AHRR: variants seen among roughly 807,000 people sequenced by gnomAD.
The protein encoded by AHRR is aryl hydrocarbon receptor repressor, also known as ahR repressor.
In AHRR, 28 loss-of-function variants were observed where a neutral mutation model predicts 44.0. The observed-to-expected ratio is 0.64, with a 90% CI of 0.47 to 0.87. The LOEUF is 0.87. Ranked by LOEUF, AHRR falls within the 40% of genes least tolerant of loss-of-function variation. AHRR has a pLI of 0.00. For synonymous variants in AHRR, 434 were observed against 407.0 expected, an observed-to-expected ratio of 1.07 and a Z score of -0.80; for missense variants, 990 against 953.9, an observed-to-expected ratio of 1.04 and a Z score of -0.50.
chr5:416,226 GC>G (rs1160809235), intron 5 of AHRR, among the ~76,000 whole-genome samples: 1 of 152,240 alleles, frequency 6.6e-6, no homozygotes, highest in Non-Finnish European at 1.5e-5. Flanking sequence ...CCAGGCCACT[GC>G]CCTGTTGGGA....
chr5:334,145 T>C (rs1305147071), intron 1 of AHRR, among the ~76,000 whole-genome samples: 1 of 152,182 alleles, frequency 6.6e-6, no homozygotes, highest in Non-Finnish European at 1.5e-5. Flanking sequence ...GATTTTAGAA[T>C]TTGCTCTTTC....
intron 3 of AHRR, among the ~76,000 whole-genome samples, chr5:376,036 G>A (rs1175790775): frequency 1.3e-5 from 2 of 152,206 alleles, no homozygotes; most frequent in Admixed American, 6.5e-5. Context: ...CGGCCCCTGG[G>A]GGCGTGGGGC....
intron 5 of AHRR, among the ~76,000 whole-genome samples, chr5:416,940 T>C (rs192780343): frequency 6.6e-6 from 1 of 151,524 alleles, no homozygotes; most frequent in African/African-American, 2.4e-5. Context: ...GGTCTTTATG[T>C]GCAGGGCCCG....
intron 4 of AHRR, among the ~76,000 whole-genome samples, chr5:396,141 A>G (rs1734695685): frequency 2.0e-5 from 3 of 152,148 alleles, no homozygotes; most frequent in Admixed American, 6.5e-5. Flanking sequence ...CCCCATGACA[A>G]GGCGGCAACC....
In AHRR at chr5:343,980, T is replaced by G; in HGVS notation, c.62+16T>G. 6.3e-7 allele frequency: 1 copy of G among 1,593,162 alleles called. No homozygotes were observed. ...TGCAGAAACAGTAAAGTATCCCGCC[T>G]TCTGCTTGTGTGGGTTGTTGCACCC... On this transcript the variant is annotated intron_variant, in intron 2 of 10. Transcript: ENST00000684583.
At chr5:433,190 G>A (rs1372689260) in intron 10 of AHRR, among the ~76,000 whole-genome samples, 2 of 152,132 alleles carry the variant, frequency 1.3e-5, no homozygotes, top group Non-Finnish European at 2.9e-5. Flanking sequence ...TGTTGGGAGC[G>A]AGGATGCCCC....
chr5:376,559 T>TGAATGAATGAGAACCGCGGGGTGAACGC (rs1423034523), intron 3 of AHRR, 51 bp from the exon 4 acceptor site: 2 of 243,020 alleles, frequency 8.2e-6, no homozygotes, highest in Non-Finnish European at 1.5e-5. Flanking sequence ...TGAAGAAGAG[T>TGAATGAATGAGAACCGCGGGGTGAACGC]GGCCAGGCCA....
intron 7 of AHRR, among the ~76,000 whole-genome samples, chr5:426,448 AT>A (rs1193417970): frequency 2.0e-5 from 3 of 150,818 alleles, no homozygotes; most frequent in Non-Finnish European, 4.4e-5. Context: ...AGATGGAAAG[AT>A]GGGTGAATGG....
intron 4 of AHRR, among the ~76,000 whole-genome samples, chr5:385,441 C>G (rs187573660): frequency 2.9e-4 from 44 of 152,306 alleles, no homozygotes; most frequent in African/African-American, 1.1e-3. Flanking sequence ...TCCCAAAGTG[C>G]TAGGATTACA....
At chr5:384,236 G>A (rs1456343011) in intron 4 of AHRR, among the ~76,000 whole-genome samples, 6 of 151,588 alleles carry the variant, frequency 4.0e-5, no homozygotes, top group Non-Finnish European at 5.9e-5. Flanking sequence ...TTATCTATTC[G>A]CTTTTGGGTG....
rs1734281691 is a variant in AHRR, at chr5:388,871, G to A, written c.351+12155G>A. On this transcript the variant is annotated intron_variant, in intron 4 of 10. Transcript: ENST00000684583. The surrounding 1 kb of genome is among the most constrained non-coding windows in gnomAD (Gnocchi z 5.2). ...TGGGCCAGATGCCTGAGGACACAATGCTCATGACAAAAGCAGCAGGTGCGG... is the reference window on the plus strand; with the variant it reads ...TGGGCCAGATGCCTGAGGACACAATACTCATGACAAAAGCAGCAGGTGCGG... Among the ~76,000 whole-genome samples, 1 of 152,202 alleles carries A rather than the reference G, an allele frequency of 6.6e-6. No homozygotes were observed. The highest frequency in any genetic ancestry group is 1.5e-5 in the Non-Finnish European group (1 of 68,028).
At chr5:371,162 T>G (rs1254002765) in intron 3 of AHRR, among the ~76,000 whole-genome samples, 2 of 152,034 alleles carry the variant, frequency 1.3e-5, no homozygotes, top group Non-Finnish European at 2.9e-5. Context: ...AAGGGGTGAC[T>G]CCTCCTGTCT....
At chr5:356,476 C>G (rs146038455) in intron 3 of AHRR, among the ~76,000 whole-genome samples, 8,840 of 132,998 alleles carry the variant, frequency 0.066, 348 homozygotes, top group Non-Finnish European at 0.088. Context: ...AGAGCGCCCG[C>G]GAGTGGAGGC....
At chr5:429,574 C>T (rs1350371943) in intron 8 of AHRR, among the ~76,000 whole-genome samples, 2 of 152,244 alleles carry the variant, frequency 1.3e-5, no homozygotes, top group Non-Finnish European at 2.9e-5. Flanking sequence ...CCGACTTGTC[C>T]TCGGCCCCTC....
At chr5:323,950 C>T (rs758352507) in intron 1 of AHRR, among the ~76,000 whole-genome samples, 8 of 151,846 alleles carry the variant, frequency 5.3e-5, no homozygotes, top group Non-Finnish European at 1.0e-4. Context: ...CCTGAAACAC[C>T]TTGCCTAGCT....
intron 7 of AHRR, among the ~76,000 whole-genome samples, chr5:424,361 T>G (rs1319797898): frequency 3.9e-4 from 35 of 88,960 alleles, no homozygotes; most frequent in African/African-American, 1.3e-3. Context: ...CCTGTGATGG[T>G]GTGGGGGTGT....
chr5:424,813 C>T (rs1284063494), intron 7 of AHRR, among the ~76,000 whole-genome samples: 2 of 152,132 alleles, frequency 1.3e-5, no homozygotes, highest in Non-Finnish European at 2.9e-5. Flanking sequence ...TGCTATTTGA[C>T]CATTTCTTCT....
chr5:376,557 A>AACGCGGGGAAACAAAGGAAAGAT, intron 3 of AHRR, 53 bp from the exon 4 acceptor site: 1 of 1,423,184 alleles, frequency 7.0e-7, no homozygotes, highest in Non-Finnish European at 9.5e-7. Context: ...AATGAAGAAG[A>AACGCGGGGAAACAAAGGAAAGAT]GTGGCCAGGC....
chr5:371,060 A>T (rs1743564535), intron 3 of AHRR, among the ~76,000 whole-genome samples: 1 of 152,166 alleles, frequency 6.6e-6, no homozygotes, highest in African/African-American at 2.4e-5. Flanking sequence ...CCAAGCCCAG[A>T]GGCCTGAGGG....
Sources: gnomAD v4.1 joint callset for allele counts (sites outside exome capture counted in the v4.1 genomes callset) on GRCh38, gnomAD v4.1.1 for gene constraint, Gnocchi (gnomAD v3.1) non-coding constraint, MANE v1.5 for transcripts, NCBI Gene and HGNC (gene_info 2026-07-23, HGNC 2026-07-21) for gene names.